Variants in ADAMTSL3 observed in about 807,000 individuals in gnomAD.
ADAMTSL3 encodes ADAMTS-like protein 3.
Under a neutral mutation model 201.7 loss-of-function variants are expected in ADAMTSL3, and 128 were observed. That is an observed-to-expected ratio of 0.63 (90% CI 0.55 to 0.73). ADAMTSL3 has a LOEUF of 0.73. Ranked by LOEUF, ADAMTSL3 falls within the 30% of genes least tolerant of loss-of-function variation. ADAMTSL3 has a pLI of 0.00. For synonymous variants in ADAMTSL3, 738 were observed against 748.4 expected (o/e 0.99, Z 0.23); for missense variants, 1,990 against 2,119.6 (o/e 0.94, Z 1.20).
chr15:83,766,288 A>C (rs1275962770), intron 3 of ADAMTSL3, among the ~76,000 whole-genome samples: 2 of 152,160 alleles, frequency 1.3e-5, no homozygotes, highest in African/African-American at 4.8e-5. Flanking sequence ...CCAGATCCAC[A>C]TTGTATTCAC....
At chr15:83,664,682 A>G (rs2061223874) in intron 2 of ADAMTSL3, among the ~76,000 whole-genome samples, 2 of 152,220 alleles carry the variant, frequency 1.3e-5, no homozygotes, top group African/African-American at 2.4e-5. Flanking sequence ...GATAATGATG[A>G]ACAAAGATAG....
chr15:83,824,099 A>G (rs924069310), intron 6 of ADAMTSL3, among the ~76,000 whole-genome samples: 1 of 150,042 alleles, frequency 6.7e-6, no homozygotes, highest in African/African-American at 2.5e-5. Flanking sequence ...GTTGGAATAC[A>G]GCAACATGAT....
At chr15:83,864,503 A>C (rs946220620) in intron 8 of ADAMTSL3, among the ~76,000 whole-genome samples, 5 of 152,218 alleles carry the variant, frequency 3.3e-5, no homozygotes, top group Non-Finnish European at 7.3e-5. Flanking sequence ...ATAGAACCAA[A>C]GACAAAAACC....
chr15:83,654,696 G>T lies in ADAMTSL3; in HGVS notation c.-34+420G>T. 6.6e-6 allele frequency among the ~76,000 whole-genome samples: 1 copy of T among 152,170 alleles called. No homozygotes were observed. Among genetic ancestry groups the T allele is most frequent in the Non-Finnish European group, 1.5e-5 (1 of 68,032 alleles). The stretch of plus-strand genomic sequence containing the variant: ...CGACGCGCGATCGTGGAAAGTGGGC[G>T]TGGGGGTGACCGGGACGCGGCGGAG... On this transcript the variant is annotated intron_variant, in intron 1 of 29. Coordinates refer to ENST00000286744, the MANE Select transcript of ADAMTSL3 (RefSeq NM_207517.3). The surrounding 1 kb of genome is among the most constrained non-coding windows in gnomAD (Gnocchi z 5.3).
chr15:83,943,016 A>T lies in ADAMTSL3; in HGVS notation c.2424A>T (p.Ala808=). ...ATGAATTGTGCCAAGGACCCAAGGC[A>T]TCGTCTCACAAGTCCTGTGCCAGGA... The part of the protein sequence containing the change: ...LSDELCQGPK[A]SSHKSCARTD... Residue 808 remains alanine (A), a synonymous_variant, in exon 19 of 30, where the codon GCA becomes GCT. Coordinates refer to ENST00000286744, the MANE Select transcript of ADAMTSL3 (RefSeq NM_207517.3). 6.2e-7 allele frequency: 1 copy of T among 1,614,134 alleles called. No individual in the cohort carries two copies. Among genetic ancestry groups the T allele is most frequent in the Non-Finnish European group, 8.5e-7 (1 of 1,179,966 alleles).
chr15:83,964,983 G>A (rs1436243846), intron 19 of ADAMTSL3, among the ~76,000 whole-genome samples: 1 of 152,176 alleles, frequency 6.6e-6, no homozygotes, highest in Non-Finnish European at 1.5e-5. Context: ...GAGAGATTTT[G>A]TCACCACCAG....
intron 5 of ADAMTSL3, among the ~76,000 whole-genome samples, chr15:83,812,953 C>T (rs1297129659): frequency 6.6e-6 from 1 of 152,198 alleles, no homozygotes; most frequent in Non-Finnish European, 1.5e-5. Flanking sequence ...CCGAATTTAA[C>T]CTCAGACAGT....
At chr15:83,712,018 T>A (rs2061940117) in intron 3 of ADAMTSL3, among the ~76,000 whole-genome samples, 1 of 152,188 alleles carries the variant, frequency 6.6e-6, no homozygotes, top group African/African-American at 2.4e-5. Flanking sequence ...TAAGTTCTGT[T>A]CTGACAGGGC....
intron 20 of ADAMTSL3, among the ~76,000 whole-genome samples, chr15:83,980,397 T>C (rs1391356452): frequency 6.6e-6 from 1 of 152,164 alleles, no homozygotes; most frequent in Non-Finnish European, 1.5e-5. Context: ...CTATATTATC[T>C]ATAGTAATGG....
In ADAMTSL3 at chr15:83,804,632, C is replaced by G; in HGVS notation, c.318-18C>G. The G allele has an allele frequency of 2.6e-6, 3 of 1,170,176 alleles. No homozygotes were observed. The highest frequency in any genetic ancestry group is 3.5e-6 in the Non-Finnish European group (3 of 865,556). The allele number at this position is 1,170,176 out of a possible 1,614,324, so 72.5% of individuals were successfully genotyped here. On this transcript the variant is annotated intron_variant, in intron 4 of 29. Coordinates refer to ENST00000286744, the MANE Select transcript of ADAMTSL3 (RefSeq NM_207517.3). Reference sequence around the variant, plus strand: ...ATGAAATCATTATTTCTTCTTTCTTCTTTCTTTTTTCCTTTAGGAATTGTG... The same window carrying G: ...ATGAAATCATTATTTCTTCTTTCTTGTTTCTTTTTTCCTTTAGGAATTGTG...
chr15:83,874,307 G>C (rs1188965680), intron 9 of ADAMTSL3, among the ~76,000 whole-genome samples: 1 of 145,172 alleles, frequency 6.9e-6, no homozygotes, highest in African/African-American at 2.6e-5. Flanking sequence ...CGCCTCATAG[G>C]GATCCCACCT....
At chr15:83,954,888 A>C (rs1273839051) in intron 19 of ADAMTSL3, among the ~76,000 whole-genome samples, 1 of 152,118 alleles carries the variant, frequency 6.6e-6, no homozygotes, top group Non-Finnish European at 1.5e-5. Flanking sequence ...TGGAGCTGGG[A>C]TTGGGGTGAT....
At chr15:83,857,823 C>T (rs1223114136) in intron 7 of ADAMTSL3, among the ~76,000 whole-genome samples, 1 of 152,044 alleles carries the variant, frequency 6.6e-6, no homozygotes, top group Non-Finnish European at 1.5e-5. Context: ...AATTGTTTTG[C>T]GTAAGTTAGA....
chr15:83,724,698 C>T (rs2062148328), intron 3 of ADAMTSL3, among the ~76,000 whole-genome samples: 1 of 151,964 alleles, frequency 6.6e-6, no homozygotes. Flanking sequence ...CCCCCACCGC[C>T]ACTATCCTTC....
intron 8 of ADAMTSL3, among the ~76,000 whole-genome samples, chr15:83,867,715 A>G (rs1181613181): frequency 6.6e-6 from 1 of 152,196 alleles, no homozygotes; most frequent in Non-Finnish European, 1.5e-5. Flanking sequence ...CATGCTAAAC[A>G]CTCATTCCAC....
At chr15:83,655,645 C>T in intron 1 of ADAMTSL3, 84 bp from the exon 2 acceptor site, 1 of 961,078 alleles carries the variant, frequency 1.0e-6, no homozygotes, top group Non-Finnish European at 1.6e-6. Context: ...TTCAGGGTCC[C>T]TCCATCTAAT....
At chr15:83,959,725 C>T (rs2066926304) in intron 19 of ADAMTSL3, among the ~76,000 whole-genome samples, 2 of 152,186 alleles carry the variant, frequency 1.3e-5, no homozygotes, top group Non-Finnish European at 2.9e-5. Flanking sequence ...TAGAGGAAAC[C>T]ATGACAAGCT....
chr15:84,008,394 C>G (rs1208966124), intron 23 of ADAMTSL3, among the ~76,000 whole-genome samples: 6 of 152,168 alleles, frequency 3.9e-5, no homozygotes, highest in Admixed American at 3.3e-4. Context: ...CACACCAGGC[C>G]CCGTGGTGAG....
intron 3 of ADAMTSL3, 63 bp downstream of exon 3, chr15:83,704,571 C>G (rs1190130460): frequency 1.5e-6 from 2 of 1,298,686 alleles, no homozygotes; most frequent in Non-Finnish European, 1.0e-6. Context: ...AGGAAACTGT[C>G]TCTAAAAGAC....
Sources: gnomAD v4.1 joint callset for allele counts (sites outside exome capture counted in the v4.1 genomes callset) on GRCh38, gnomAD v4.1.1 for gene constraint, Gnocchi (gnomAD v3.1) non-coding constraint, MANE v1.5 for transcripts, NCBI Gene and HGNC (gene_info 2026-07-23, HGNC 2026-07-21) for gene names.